The following STARD6 variants were observed in gnomAD, a reference collection of about 807,000 sequenced individuals.
STARD6 encodes the protein StAR related lipid transfer domain containing 6.
A neutral mutation model predicts 22.3 loss-of-function variants in STARD6; 21 were observed. The ratio of observed to expected loss-of-function variants is 0.94; its 90% CI spans 0.67 to 1.35. The LOEUF is 1.35. Ranked by LOEUF, STARD6 falls within the 40% of genes most tolerant of loss-of-function variation. The probability of loss-of-function intolerance (pLI) is 0.00; values close to 1 mark genes in which losing one functional copy is unlikely to be tolerated. For missense variants in STARD6, 269 were observed against 266.9 expected (o/e 1.01, Z -0.05); for synonymous variants, 80 against 88.1 (o/e 0.91, Z 0.52).
intron 4 of STARD6, among the ~76,000 whole-genome samples, chr18:54,338,924 T>A (rs2088942230): frequency 6.6e-6 from 1 of 151,704 alleles, no homozygotes; most frequent in Non-Finnish European, 1.5e-5. Context: ...GGCATGTGCC[T>A]GTCATCCCAG....
At chr18:54,354,319 C>A in intron 3 of STARD6, 165 bp downstream of exon 3, 1 of 669,912 alleles carries the variant, frequency 1.5e-6, no homozygotes, top group Non-Finnish European at 2.5e-6. Context: ...GCCTCAAACT[C>A]CTGTGCTCAA....
At chr18:54,335,363 T>A (rs1289764538) in intron 5 of STARD6, among the ~76,000 whole-genome samples, 4 of 151,770 alleles carry the variant, frequency 2.6e-5, no homozygotes, top group Non-Finnish European at 5.9e-5. Context: ...CCTGGCTAAT[T>A]TTTTGTATTT....
At chr18:54,350,165 AT>A (rs1008053759) in intron 4 of STARD6, among the ~76,000 whole-genome samples, 4 of 152,074 alleles carry the variant, frequency 2.6e-5, no homozygotes, top group African/African-American at 9.7e-5. Flanking sequence ...TGATTTTTAA[AT>A]TATGGCCATT....
chr18:54,339,493 G>C (rs2088950858), intron 4 of STARD6, among the ~76,000 whole-genome samples: 1 of 149,110 alleles, frequency 6.7e-6, no homozygotes, highest in Non-Finnish European at 1.5e-5. Flanking sequence ...AAAAAAAAAG[G>C]CATTACATAG....
chr18:54,355,461 C>T (rs571900516), intron 2 of STARD6, among the ~76,000 whole-genome samples: 2 of 152,174 alleles, frequency 1.3e-5, no homozygotes, highest in South Asian at 4.2e-4. Context: ...ATGATTAGGT[C>T]ATGAGGGCAA....
At position 54,348,474 on chromosome 18, in the gene STARD6, A is replaced by G. The variant is rs148329282; in HGVS notation, c.140+5580T>C. On this transcript the variant is annotated intron_variant, in intron 4 of 7. Coordinates refer to ENST00000307844, the MANE Select transcript of STARD6 (RefSeq NM_139171.2). ...TTTGATGAGGTCAGAGAGAATAATGATTAAGAAAGTACAGCCTTTGAGGTA... is the reference window on the plus strand; with the variant it reads ...TTTGATGAGGTCAGAGAGAATAATGGTTAAGAAAGTACAGCCTTTGAGGTA... Among the ~76,000 whole-genome samples the G allele has an allele frequency of 8.7e-4, 132 of 152,280 alleles. 1 individual carries two copies. The highest frequency in any genetic ancestry group is 3.9e-3 in the East Asian group (20 of 5,188).
At chr18:54,357,201 T>C (rs1275866197) in intron 1 of STARD6, 1 of 152,202 alleles carries the variant, frequency 6.6e-6, no homozygotes, top group Non-Finnish European at 1.5e-5. Flanking sequence ...TGAAACTGGA[T>C]TCCTTCCAGA....
At chr18:54,351,685 C>T (rs976292701) in intron 4 of STARD6, among the ~76,000 whole-genome samples, 2 of 152,152 alleles carry the variant, frequency 1.3e-5, no homozygotes, top group African/African-American at 4.8e-5. Context: ...AGTGCTTTTT[C>T]TGCATCTATT....
intron 5 of STARD6, among the ~76,000 whole-genome samples, chr18:54,336,004 C>T (rs2088908214): frequency 6.6e-6 from 1 of 152,084 alleles, no homozygotes; most frequent in Non-Finnish European, 1.5e-5. Flanking sequence ...CACCATGTAT[C>T]ATTATTCCTG....
chr18:54,345,234 A>G (rs2089023747), intron 4 of STARD6, among the ~76,000 whole-genome samples: 1 of 152,170 alleles, frequency 6.6e-6, no homozygotes, highest in Admixed American at 6.5e-5. Flanking sequence ...TCTATATGCT[A>G]GGATTAAAAT....
chr18:54,349,681 A>G (rs2089076054), intron 4 of STARD6, among the ~76,000 whole-genome samples: 1 of 152,090 alleles, frequency 6.6e-6, no homozygotes, highest in South Asian at 2.1e-4. Flanking sequence ...GGAGTCCACA[A>G]AGTCCATTAT....
At position 54,331,725 on chromosome 18, in the gene STARD6, A is replaced by G; in HGVS notation, c.385+17T>C. ...CTCGCAGTAATTCCAAGATATGGGC[A>G]AAATGTTTCAACTTACAACTGATAA... On this transcript the variant is annotated intron_variant, in intron 6 of 7. Coordinates refer to ENST00000307844, the MANE Select transcript of STARD6 (RefSeq NM_139171.2). 1 of 1,563,624 alleles carries G rather than the reference A, an allele frequency of 6.4e-7. No homozygotes were observed. Among genetic ancestry groups the G allele is most frequent in the South Asian group, 1.2e-5 (1 of 86,634 alleles).
At chr18:54,357,115 C>G (rs1014890211) in intron 1 of STARD6, 1 of 152,246 alleles carries the variant, frequency 6.6e-6, no homozygotes, top group Non-Finnish European at 1.5e-5. Context: ...TCAAGGATAT[C>G]TTCACTCATA....
At chr18:54,329,529 T>C in intron 6 of STARD6, 89 bp from the exon 7 acceptor site, 1 of 1,035,240 alleles carries the variant, frequency 9.7e-7, no homozygotes, top group Non-Finnish European at 1.4e-6. Context: ...ATATAGCATT[T>C]AAGTTAGTTA....
chr18:54,348,898 TA>T, intron 4 of STARD6, among the ~76,000 whole-genome samples: 1 of 152,286 alleles, frequency 6.6e-6, no homozygotes, highest in East Asian at 1.9e-4. Context: ...ATCTTGAGTT[TA>T]TTTTTTTGTA....
At chr18:54,324,966 T>G in intron 7 of STARD6, 91 bp from the exon 8 acceptor site, 3 of 1,035,950 alleles carry the variant, frequency 2.9e-6, no homozygotes, top group Non-Finnish European at 3.9e-6. Flanking sequence ...ATTCTTATCT[T>G]ATTCACCGTT....
intron 4 of STARD6, among the ~76,000 whole-genome samples, chr18:54,343,678 G>GA (rs1200270025): frequency 8.8e-4 from 33 of 37,358 alleles, no homozygotes; most frequent in Non-Finnish European, 1.3e-3. Flanking sequence ...AGGTGGGGGG[G>GA]TCGGCCCCCC....
chr18:54,339,479 TA>T (rs34972454), intron 4 of STARD6, among the ~76,000 whole-genome samples: 29,079 of 141,480 alleles, frequency 0.21, 5,608 homozygotes, highest in African/African-American at 0.51. Context: ...TGAAAGCAGT[TA>T]AAAAAAAAAA....
At chr18:54,338,679 T>A (rs1244789412) in intron 4 of STARD6, among the ~76,000 whole-genome samples, 1 of 151,790 alleles carries the variant, frequency 6.6e-6, no homozygotes, top group Non-Finnish European at 1.5e-5. Context: ...AAAGTATGAT[T>A]TATACTTAGG....
Sources: allele counts gnomAD v4.1 joint callset (sites outside exome capture counted in the v4.1 genomes callset), GRCh38; gene constraint gnomAD v4.1.1; transcripts MANE v1.5; gene names NCBI Gene and HGNC (gene_info 2026-07-23, HGNC 2026-07-21).